The following STAM2 variants were observed in gnomAD, a reference collection of about 807,000 sequenced individuals.
The protein encoded by STAM2 is signal transducing adaptor molecule 2, also known as signal transducing adapter molecule 2.
In STAM2, 51 loss-of-function variants were observed where a neutral mutation model predicts 65.6. The ratio of observed to expected loss-of-function variants is 0.78; its 90% CI spans 0.62 to 0.98. The LOEUF (loss-of-function observed/expected upper bound fraction) is 0.98. Among genes scored for constraint, STAM2 ranks in the 50% least tolerant of loss-of-function variants. The pLI is 0.00. For missense variants in STAM2, 584 were observed against 617.8 expected (o/e 0.95, Z 0.58); for synonymous variants, 198 against 208.4 (o/e 0.95, Z 0.43).
intron 1 of STAM2, among the ~76,000 whole-genome samples, chr2:152,171,216 G>A (rs1313772012): frequency 6.6e-6 from 1 of 152,000 alleles, no homozygotes; most frequent in African/African-American, 2.4e-5. Flanking sequence ...ACTGCATCTT[G>A]AATGTTCCTT....
At position 152,159,667 on chromosome 2, in the gene STAM2, TG is replaced by T. The variant is rs532501557; in HGVS notation, c.41-9439del. Among the ~76,000 whole-genome samples, 318 of 152,196 alleles carry T rather than the reference TG, an allele frequency of 2.1e-3. 5 individuals are homozygous for T. The highest frequency in any genetic ancestry group is 1.7e-3 in the East Asian group (9 of 5,160). On this transcript the variant is annotated intron_variant, in intron 1 of 13. Transcript: ENST00000263904. ...GCATATTTTTCCCATTGGAAAAGTA[TG>T]GTTATTGAAAGTTTTCCTCGTTTTT...
intron 7 of STAM2, 22 bp from the exon 8 acceptor site, chr2:152,135,625 T>A: frequency 1.4e-6 from 2 of 1,476,344 alleles, no homozygotes; most frequent in Non-Finnish European, 1.9e-6. Flanking sequence ...GTGCAAAAAA[T>A]ATCATTTGTT....
rs763656500 is a variant in STAM2, at chr2:152,120,529, A to C, written c.*45T>G. The C allele has an allele frequency of 6.4e-7, 1 of 1,554,476 alleles. No individual in the cohort carries two copies. Among genetic ancestry groups the C allele is most frequent in the South Asian group, 1.1e-5 (1 of 88,536 alleles). On this transcript the variant is annotated 3_prime_UTR_variant, in exon 14 of 14. Coordinates refer to ENST00000263904, the MANE Select transcript of STAM2 (RefSeq NM_005843.6). ...TTTCAGGTTGGTATCACAAGGACTG[A>C]ATAATACACTTATGAAGGCTTTCAA... is the stretch of plus-strand genomic sequence containing the variant.
At chr2:152,130,849 T>C (rs562548443) in intron 11 of STAM2, among the ~76,000 whole-genome samples, 20 of 151,128 alleles carry the variant, frequency 1.3e-4, no homozygotes, top group Non-Finnish European at 2.2e-4. Context: ...ATACAAAAAT[T>C]AGCCGGGCAT....
Position 152,135,624 on chromosome 2 carries a change from A to C in STAM2, c.705-21T>G, listed in dbSNP as rs567552194. On this transcript the variant is annotated intron_variant, in intron 7 of 13. Coordinates refer to ENST00000263904, the MANE Select transcript of STAM2 (RefSeq NM_005843.6). The stretch of plus-strand genomic sequence containing the variant: ...CATCACTAAAAATACAGTGCAAAAA[A>C]TATCATTTGTTCCCCACATTTTAAT... 173 of 1,489,710 alleles carry C rather than the reference A, an allele frequency of 1.2e-4. No homozygotes were observed. The South Asian group carries it at 1.8e-3, about 16-fold the overall frequency. 92.3% of individuals were successfully genotyped at this position (1,489,710 alleles called of 1,614,324 possible).
intron 1 of STAM2, among the ~76,000 whole-genome samples, chr2:152,159,463 T>TA (rs1689618626): frequency 6.6e-6 from 1 of 152,156 alleles, no homozygotes; most frequent in Admixed American, 6.5e-5. Context: ...ACTAATTCAT[T>TA]AAAAAACTAA....
chr2:152,128,616 A>G (rs1266363035), intron 11 of STAM2, among the ~76,000 whole-genome samples: 2 of 152,182 alleles, frequency 1.3e-5, no homozygotes, highest in Non-Finnish European at 2.9e-5. Context: ...ACAATCCCAG[A>G]GTAATAAGGC....
rs747171028 is a variant in STAM2 at position 152,148,065 on chromosome 2, G to T, written c.259C>A (p.Arg87Ser). 129 of 1,609,454 alleles carry T rather than the reference G, an allele frequency of 8.0e-5. No individual in the cohort carries two copies. The highest frequency in any genetic ancestry group is 1.1e-4 in the Non-Finnish European group (126 of 1,177,844). ...GCACGTACTTCTGTTGCAAAATCACGGGAACATACTTCTAAATGAAATATC... is the reference window on the plus strand; with the variant it reads ...GCACGTACTTCTGTTGCAAAATCACTGGAACATACTTCTAAATGAAATATC... ...GKIFHLEVCSRDFATEVRAVI... is the reference protein window; with the variant it reads ...GKIFHLEVCSSDFATEVRAVI... Residue 87 changes from arginine (R) to serine (S), a missense_variant, in exon 4 of 14, where the codon CGT (arginine) becomes AGT (serine). Physicochemically the swap from Arg to Ser is moderately radical, Grantham distance 110. Transcript: ENST00000263904.
chr2:152,168,557 T>C (rs1002573546), intron 1 of STAM2, among the ~76,000 whole-genome samples: 3 of 152,240 alleles, frequency 2.0e-5, no homozygotes, highest in African/African-American at 7.2e-5. Context: ...TATTATGTTG[T>C]ATATTCACTG....
Position 152,161,516 on chromosome 2 carries a change from A to G in STAM2, c.41-11287T>C, listed in dbSNP as rs1017166691. On this transcript the variant is annotated intron_variant, in intron 1 of 13. Coordinates refer to ENST00000263904, the MANE Select transcript of STAM2 (RefSeq NM_005843.6). ...CAATAAAAAAAAAAAAAAAAAAAAA[A>G]CATTATATATACTTACTAGGTTTCT... Among the ~76,000 whole-genome samples the G allele has an allele frequency of 3.1e-4, 44 of 141,366 alleles. 1 individual carries two copies. The highest frequency in any genetic ancestry group is 2.5e-3 in the Admixed American group (35 of 13,870). The allele number at this position is 141,366 out of a possible 152,430, so 92.7% of individuals were successfully genotyped here.
At chr2:152,138,519 T>C (rs1003998287) in intron 7 of STAM2, among the ~76,000 whole-genome samples, 1 of 152,204 alleles carries the variant, frequency 6.6e-6, no homozygotes, top group African/African-American at 2.4e-5. Context: ...TGGAAAATCA[T>C]AGTATCTGGA....
At chr2:152,166,085 C>A (rs536203463) in intron 1 of STAM2, among the ~76,000 whole-genome samples, 40 of 152,136 alleles carry the variant, frequency 2.6e-4, no homozygotes, top group African/African-American at 8.9e-4. Context: ...CATCTGTAGT[C>A]CCAGATTGAA....
rs530004156 is a variant in STAM2, at chr2:152,143,915, T to C, written c.616A>G (p.Lys206Glu). 1.2e-6 allele frequency: 2 copies of C among 1,613,888 alleles called. No individual in the cohort carries two copies. Among genetic ancestry groups the C allele is most frequent in the Admixed American group, 1.7e-5 (1 of 60,024 alleles). Residue 206 changes from lysine (K) to glutamate (E), a missense_variant, in exon 7 of 14, where the codon AAA becomes GAA. Transcript: ENST00000263904. ...EIQLNNKVAR[K>E]VRALYDFEAV... Reference sequence around the variant, plus strand: ...TCAAAATCATATAAAGCTCTCACTTTCCGTGCAACCTTATTATTTAACTGA... The same window carrying C: ...TCAAAATCATATAAAGCTCTCACTTCCCGTGCAACCTTATTATTTAACTGA...
At position 152,135,538 on chromosome 2, in the gene STAM2, G is replaced by C. The variant is rs1473913128; in HGVS notation, c.770C>G (p.Thr257Arg). The change falls in exon 8 of 14, where the codon ACA (threonine) becomes AGA (arginine). Residue 257 changes from threonine to arginine, a missense_variant. By Grantham distance (71) the Thr-to-Arg change is moderately conservative (BLOSUM62 -1). Transcript: ENST00000263904. The part of the protein sequence containing the change: ...GIGLFPSNFV[T>R]TNLNIETEAA... ...CTCAGTCTCTATGTTTAAATTAGTTGTTACAAAATTGGATGGGAAAAGTCC... is the reference window on the plus strand; with the variant it reads ...CTCAGTCTCTATGTTTAAATTAGTTCTTACAAAATTGGATGGGAAAAGTCC... The C allele has an allele frequency of 1.2e-6, 2 of 1,612,096 alleles. No individual in the cohort carries two copies. Among genetic ancestry groups the C allele is most frequent in the African/African-American group, 1.3e-5 (1 of 74,830 alleles).
In STAM2 at chr2:152,143,982, C is replaced by T. The variant is rs753375592; in HGVS notation, c.549G>A (p.Gln183=). The T allele has an allele frequency of 1.2e-6, 2 of 1,612,660 alleles. No individual in the cohort carries two copies. The highest frequency in any genetic ancestry group is 1.1e-5 in the South Asian group (1 of 90,560). Residue 183 remains glutamine (Q), a synonymous_variant, in exon 7 of 14, where the codon CAG becomes CAA. Transcript: ENST00000263904. ...ATAAGGATTTTGTTTCTGTGTGTTG[C>T]TGTTTCTGTTCTTGCAGCGATAATT... ...AIELSLQEQK[Q]QHTETKSLYP...
chr2:152,124,530 G>C (rs1308910003), intron 12 of STAM2: 1 of 152,250 alleles, frequency 6.6e-6, no homozygotes, highest in Non-Finnish European at 1.5e-5. Context: ...AAATGGTTTA[G>C]GTCTCTTTGG....
At position 152,117,234 on chromosome 2, in the gene STAM2, G is replaced by A. The variant is rs926140938; in HGVS notation, c.*3340C>T. On this transcript the variant is annotated 3_prime_UTR_variant, in exon 14 of 14. Coordinates refer to ENST00000263904, the MANE Select transcript of STAM2 (RefSeq NM_005843.6). Reference sequence around the variant, plus strand: ...TCATTCTGTCAGGCCGGAGTGCAGTGGCGTGATCACACCTCACTGCAGCCT... The same window carrying A: ...TCATTCTGTCAGGCCGGAGTGCAGTAGCGTGATCACACCTCACTGCAGCCT... 2 of 152,130 alleles carry A rather than the reference G, an allele frequency of 1.3e-5. No homozygotes were observed. Among genetic ancestry groups the A allele is most frequent in the Admixed American group, 6.5e-5 (1 of 15,268 alleles). 9.4% of individuals were successfully genotyped at this position (152,130 alleles called of 1,614,324 possible).
rs111603376 is a variant in STAM2, at chr2:152,170,482, CAA to C, written c.40+5119_40+5120del. On this transcript the variant is annotated intron_variant, in intron 1 of 13. Coordinates refer to ENST00000263904, the MANE Select transcript of STAM2 (RefSeq NM_005843.6). ...TGGGTGACAGGGCAAGACTCCGTCT[CAA>C]AAAAAAAAAAAAAAGAATCTTGCAC... 1.3e-3 allele frequency among the ~76,000 whole-genome samples: 136 copies of C among 101,854 alleles called. 1 individual carries two copies. The highest frequency in any genetic ancestry group is 1.2e-3 in the Admixed American group (12 of 10,106). The allele number at this position is 101,854 out of a possible 152,430, so 66.8% of individuals were successfully genotyped here. A position where few individuals can be genotyped will look rare whatever the true frequency, so the allele number is the denominator to read the frequency against.
At chr2:152,142,345 C>T (rs898510207) in intron 7 of STAM2, among the ~76,000 whole-genome samples, 14 of 152,282 alleles carry the variant, frequency 9.2e-5, no homozygotes, top group African/African-American at 3.1e-4. Context: ...AAATCTTAGA[C>T]AAAACCACTC....
Sources: allele counts gnomAD v4.1 joint callset (sites outside exome capture counted in the v4.1 genomes callset), GRCh38; gene constraint gnomAD v4.1.1; transcripts MANE v1.5; gene names NCBI Gene and HGNC (gene_info 2026-07-23, HGNC 2026-07-21).